BTRC: variants seen among roughly 807,000 people sequenced by gnomAD.
BTRC encodes the protein beta-transducin repeat containing E3 ubiquitin protein ligase, also known as F-box/WD repeat-containing protein 1A.
In BTRC, 42 loss-of-function variants were observed where a neutral mutation model predicts 85.5. The ratio of observed to expected loss-of-function variants is 0.49; its 90% CI spans 0.38 to 0.64. BTRC has a LOEUF of 0.64. Ranked by LOEUF, BTRC falls within the 30% of genes least tolerant of loss-of-function variation. The probability of loss-of-function intolerance (pLI) is 0.00; values close to 1 mark genes in which losing one functional copy is unlikely to be tolerated. For missense variants in BTRC, 594 were observed against 743.5 expected (o/e 0.80, Z 2.34); for synonymous variants, 255 against 263.3 (o/e 0.97, Z 0.30).
At chr10:101,362,059 CAA>C (rs1325479429) in intron 1 of BTRC, among the ~76,000 whole-genome samples, 1 of 152,166 alleles carries the variant, frequency 6.6e-6, no homozygotes, top group Non-Finnish European at 1.5e-5. Flanking sequence ...CTCCCTGGTT[CAA>C]ATGATTTTCC....
Position 101,454,805 on chromosome 10 carries a change from C to T in BTRC, c.157-7176C>T, listed in dbSNP as rs368042496. 1.2e-4 allele frequency among the ~76,000 whole-genome samples: 19 copies of T among 152,144 alleles called. No individual in the cohort carries two copies. The East Asian group carries it at 3.1e-3, about 25-fold the overall frequency. On this transcript the variant is annotated intron_variant, in intron 2 of 14. Coordinates refer to ENST00000370187, the MANE Select transcript of BTRC (RefSeq NM_033637.4). ...CTTTAAAAAACAATCCTTTCAACCCCGAAATTTCAAGATCATATCACCTGT... is the reference window on the plus strand; with the variant it reads ...CTTTAAAAAACAATCCTTTCAACCCTGAAATTTCAAGATCATATCACCTGT...
chr10:101,497,586 G>T (rs771703165), intron 4 of BTRC, among the ~76,000 whole-genome samples: 3 of 152,122 alleles, frequency 2.0e-5, no homozygotes, highest in Non-Finnish European at 4.4e-5. Flanking sequence ...CGCACCTGTA[G>T]TCCCAGCTAT....
chr10:101,354,165 A>C lies in BTRC; in HGVS notation c.-16A>C, dbSNP rs769470291. 2 of 1,548,804 alleles carry C rather than the reference A, an allele frequency of 1.3e-6. No individual in the cohort carries two copies. Among genetic ancestry groups the C allele is most frequent in the South Asian group, 2.4e-5 (2 of 83,962 alleles). On this transcript the variant is annotated 5_prime_UTR_variant, in exon 1 of 15. Transcript: ENST00000370187. ...GGCGGCCCCGGCGGAGAGCGGACCC[A>C]GTGGCCTCGGCGATTATGGACCCGG...
At chr10:101,475,891 A>G (rs1318180937) in intron 3 of BTRC, among the ~76,000 whole-genome samples, 2 of 134,854 alleles carry the variant, frequency 1.5e-5, no homozygotes, top group East Asian at 4.4e-4. Context: ...AAGTAGAAAC[A>G]GAATATTTGC....
chr10:101,471,815 T>A (rs1945532675), intron 3 of BTRC, among the ~76,000 whole-genome samples: 1 of 152,210 alleles, frequency 6.6e-6, no homozygotes, highest in Non-Finnish European at 1.5e-5. Flanking sequence ...TCAGATTTTC[T>A]GTTTCATGTG....
At chr10:101,394,689 G>A (rs1943319427) in intron 1 of BTRC, among the ~76,000 whole-genome samples, 2 of 152,104 alleles carry the variant, frequency 1.3e-5, no homozygotes, top group Non-Finnish European at 2.9e-5. Context: ...TAGCAGTCGG[G>A]GCAGGGTATA....
At chr10:101,541,361 G>C (rs201012455) in intron 13 of BTRC, among the ~76,000 whole-genome samples, 2 of 151,708 alleles carry the variant, frequency 1.3e-5, no homozygotes, top group Non-Finnish European at 2.9e-5. Flanking sequence ...CTGGGTTCAC[G>C]CCATTCTCCT....
intron 1 of BTRC, among the ~76,000 whole-genome samples, chr10:101,427,501 CCTT>C (rs536385246): frequency 7.4e-4 from 103 of 139,960 alleles, no homozygotes; most frequent in Non-Finnish European, 1.3e-3. Flanking sequence ...TTCCTTCCTT[CCTT>C]CTTCTCTTTC....
chr10:101,467,506 A>G (rs1293895368), intron 3 of BTRC, among the ~76,000 whole-genome samples: 1 of 152,130 alleles, frequency 6.6e-6, no homozygotes, highest in Non-Finnish European at 1.5e-5. Flanking sequence ...AATAGTAAGC[A>G]CTTTGGCTTG....
intron 3 of BTRC, among the ~76,000 whole-genome samples, chr10:101,474,014 T>G (rs1353011170): frequency 6.6e-6 from 1 of 152,222 alleles, no homozygotes; most frequent in Non-Finnish European, 1.5e-5. Flanking sequence ...GATCATATCT[T>G]TTATTGCTAT....
At chr10:101,472,667 T>C (rs1360501263) in intron 3 of BTRC, among the ~76,000 whole-genome samples, 3 of 152,058 alleles carry the variant, frequency 2.0e-5, no homozygotes, top group Non-Finnish European at 4.4e-5. Flanking sequence ...ATACAAAAAT[T>C]ATCTGGGCAT....
At chr10:101,400,935 T>G (rs1943478472) in intron 1 of BTRC, among the ~76,000 whole-genome samples, 1 of 152,194 alleles carries the variant, frequency 6.6e-6, no homozygotes, top group Non-Finnish European at 1.5e-5. Context: ...TATCAAAAGC[T>G]GAATCTTCCC....
At chr10:101,417,542 A>G (rs1337143589) in intron 1 of BTRC, among the ~76,000 whole-genome samples, 1 of 152,198 alleles carries the variant, frequency 6.6e-6, no homozygotes, top group African/African-American at 2.4e-5. Flanking sequence ...TTACTTGATT[A>G]AGATATCAGG....
chr10:101,465,578 C>T (rs1945351846), intron 3 of BTRC, among the ~76,000 whole-genome samples: 1 of 152,116 alleles, frequency 6.6e-6, no homozygotes, highest in Non-Finnish European at 1.5e-5. Context: ...CTGGTGAATT[C>T]AACAAATATT....
chr10:101,517,909 C>CTTTTT (rs142382301), intron 4 of BTRC, among the ~76,000 whole-genome samples: 32 of 116,138 alleles, frequency 2.8e-4, no homozygotes, highest in African/African-American at 9.1e-4. Flanking sequence ...GAAGTAGTGT[C>CTTTTT]TTTTTTTTTT....
intron 3 of BTRC, among the ~76,000 whole-genome samples, chr10:101,475,902 A>G (rs1488958090): frequency 8.7e-6 from 1 of 114,888 alleles, no homozygotes; most frequent in East Asian, 2.5e-4. Context: ...GAATATTTGC[A>G]TAGTCTCCAA....
At chr10:101,482,777 A>G (rs1945874980) in intron 4 of BTRC, among the ~76,000 whole-genome samples, 1 of 151,938 alleles carries the variant, frequency 6.6e-6, no homozygotes, top group South Asian at 2.1e-4. Flanking sequence ...GCTTGTCCCT[A>G]TTTCCTGTTC....
intron 13 of BTRC, 43 bp downstream of exon 13, chr10:101,538,414 G>A: frequency 2.0e-6 from 3 of 1,533,036 alleles, no homozygotes; most frequent in Non-Finnish European, 9.0e-7. Context: ...AGCAGGTGGG[G>A]GAAGAAATTA....
At chr10:101,430,920 A>G (rs778989218) in intron 2 of BTRC, among the ~76,000 whole-genome samples, 6 of 152,014 alleles carry the variant, frequency 3.9e-5, no homozygotes, top group Middle Eastern at 3.2e-3. Context: ...TACTAAGTAT[A>G]TATTTTTTAT....
Sources: gnomAD v4.1 joint callset for allele counts (sites outside exome capture counted in the v4.1 genomes callset) on GRCh38, gnomAD v4.1.1 for gene constraint, MANE v1.5 for transcripts, NCBI Gene and HGNC (gene_info 2026-07-23, HGNC 2026-07-21) for gene names.